Variants in LUZP2 observed in about 807,000 individuals in gnomAD.
LUZP2 encodes leucine zipper protein 2.
LUZP2 carries 52 observed loss-of-function variants against 51.6 expected under a neutral mutation model. That is an observed-to-expected ratio of 1.01 (90% CI 0.81 to 1.27). The LOEUF is 1.27. Among genes scored for constraint, LUZP2 ranks in the 50% most tolerant of loss-of-function variants. The pLI is 0.00. For synonymous variants in LUZP2, 154 were observed against 137.3 expected, an observed-to-expected ratio of 1.12 and a Z score of -0.85; for missense variants, 436 against 395.4, an observed-to-expected ratio of 1.10 and a Z score of -0.87.
intron 1 of LUZP2, among the ~76,000 whole-genome samples, chr11:24,673,919 A>G (rs1277957683): frequency 6.6e-6 from 1 of 152,204 alleles, no homozygotes; most frequent in South Asian, 2.1e-4. Flanking sequence ...TAGTACTGAC[A>G]TTTCTCATCA....
At chr11:24,852,132 T>G (rs1420156663) in intron 5 of LUZP2, among the ~76,000 whole-genome samples, 1 of 152,176 alleles carries the variant, frequency 6.6e-6, no homozygotes, top group African/African-American at 2.4e-5. Context: ...CTTAGTTATT[T>G]CTTGTCTTCT....
intron 1 of LUZP2, among the ~76,000 whole-genome samples, chr11:24,505,500 C>A (rs1436801045): frequency 6.6e-6 from 1 of 152,060 alleles, no homozygotes; most frequent in Non-Finnish European, 1.5e-5. Context: ...AGAATAGCAT[C>A]CAGCACAGAG....
At chr11:24,856,125 G>A (rs182313329) in intron 5 of LUZP2, among the ~76,000 whole-genome samples, 2 of 152,142 alleles carry the variant, frequency 1.3e-5, no homozygotes, top group African/African-American at 2.4e-5. Flanking sequence ...TTTACTAAAA[G>A]CTTCTGCACA....
At chr11:24,566,973 G>GTA (rs1181035237) in intron 1 of LUZP2, among the ~76,000 whole-genome samples, 10 of 81,364 alleles carry the variant, frequency 1.2e-4, no homozygotes, top group African/African-American at 4.7e-4. Flanking sequence ...ATATAAATAT[G>GTA]TATATATATA....
chr11:25,010,328 C>A (rs936997566), intron 9 of LUZP2, among the ~76,000 whole-genome samples: 2 of 151,914 alleles, frequency 1.3e-5, no homozygotes, highest in Admixed American at 6.6e-5. Flanking sequence ...CTGAGGCAGG[C>A]GGATCACTTG....
At chr11:24,747,050 G>A (rs1859407850) in intron 4 of LUZP2, among the ~76,000 whole-genome samples, 1 of 152,088 alleles carries the variant, frequency 6.6e-6, no homozygotes, top group African/African-American at 2.4e-5. Context: ...TTCTTTTTCA[G>A]GTAAATCAGG....
chr11:24,652,248 A>G (rs2133964759), intron 1 of LUZP2, among the ~76,000 whole-genome samples: 1 of 152,264 alleles, frequency 6.6e-6, no homozygotes, highest in Non-Finnish European at 1.5e-5. Context: ...TCTTTGCATT[A>G]CACCTTCTGT....
At chr11:24,752,090 T>G (rs1188108827) in intron 4 of LUZP2, among the ~76,000 whole-genome samples, 2 of 152,016 alleles carry the variant, frequency 1.3e-5, no homozygotes, top group Non-Finnish European at 2.9e-5. Flanking sequence ...AAAATATGCA[T>G]TAAAAGCTAT....
chr11:24,988,808 G>C (rs1856254220), intron 9 of LUZP2, among the ~76,000 whole-genome samples: 1 of 151,904 alleles, frequency 6.6e-6, no homozygotes, highest in South Asian at 2.1e-4. Flanking sequence ...ATTTCTTTTA[G>C]TTACTGTGAC....
At chr11:24,572,533 T>A (rs943912098) in intron 1 of LUZP2, among the ~76,000 whole-genome samples, 2 of 152,058 alleles carry the variant, frequency 1.3e-5, no homozygotes, top group African/African-American at 4.8e-5. Flanking sequence ...CTATTTCTAA[T>A]GTGACAATGC....
intron 5 of LUZP2, among the ~76,000 whole-genome samples, chr11:24,805,955 A>T (rs1849844580): frequency 6.6e-6 from 1 of 152,192 alleles, no homozygotes; most frequent in Non-Finnish European, 1.5e-5. Flanking sequence ...TCCTGCAACA[A>T]GAGTAAGAAA....
chr11:24,678,370 C>A (rs1856633975), intron 1 of LUZP2, among the ~76,000 whole-genome samples: 1 of 152,160 alleles, frequency 6.6e-6, no homozygotes, highest in African/African-American at 2.4e-5. Context: ...TTCTGCTATG[C>A]AAGGATGGGC....
At chr11:24,903,277 A>G (rs1198635173) in intron 5 of LUZP2, among the ~76,000 whole-genome samples, 1 of 152,204 alleles carries the variant, frequency 6.6e-6, no homozygotes, top group East Asian at 1.9e-4. Flanking sequence ...ATCAGTGCAA[A>G]TATTTGCAAA....
Position 24,775,819 on chromosome 11 carries a change from T to G in LUZP2, c.396+12511T>G, listed in dbSNP as rs1156904548. ...CTTCAAGTAAAGGAGAAAGTTTAGC[T>G]CTTTACTCTTATGCCTTTGGTAAAT... is the stretch of plus-strand genomic sequence containing the variant. On this transcript the variant is annotated intron_variant, in intron 5 of 11. Coordinates refer to ENST00000336930, the MANE Select transcript of LUZP2 (RefSeq NM_001009909.4). 1.3e-5 allele frequency among the ~76,000 whole-genome samples: 2 copies of G among 152,128 alleles called. 1 individual carries two copies. The highest frequency in any genetic ancestry group is 2.9e-5 in the Non-Finnish European group (2 of 68,000).
rs550386758 is a variant in LUZP2 at position 24,962,714 on chromosome 11, C to T, written c.523-13877C>T. On this transcript the variant is annotated intron_variant, in intron 7 of 11. Transcript: ENST00000336930. ...ACTTCTTTGCCTTTGGTTTGAATTT[C>T]CTCCTGTAGCTCATATTTTGATCAT... Among the ~76,000 whole-genome samples, 31 of 152,234 alleles carry T rather than the reference C, an allele frequency of 2.0e-4. 1 individual carries two copies. The East Asian group carries it at 5.0e-3, about 25-fold the overall frequency.
At chr11:24,660,561 T>C (rs1855983787) in intron 1 of LUZP2, among the ~76,000 whole-genome samples, 1 of 152,116 alleles carries the variant, frequency 6.6e-6, no homozygotes. Context: ...TACCCATGGA[T>C]TGCTTGGGGA....
intron 1 of LUZP2, among the ~76,000 whole-genome samples, chr11:24,587,178 C>G (rs1423151186): frequency 6.6e-6 from 1 of 152,064 alleles, no homozygotes; most frequent in African/African-American, 2.4e-5. Flanking sequence ...AGGATCTCTA[C>G]TCAGGCTCAA....
At chr11:24,894,298 C>T (rs1398650066) in intron 5 of LUZP2, among the ~76,000 whole-genome samples, 3 of 151,662 alleles carry the variant, frequency 2.0e-5, no homozygotes, top group East Asian at 1.9e-4. Context: ...CCTCAGCCTC[C>T]GGAGTAGCTG....
intron 5 of LUZP2, among the ~76,000 whole-genome samples, chr11:24,854,483 C>A (rs1000716718): frequency 6.6e-6 from 1 of 152,172 alleles, no homozygotes; most frequent in Non-Finnish European, 1.5e-5. Context: ...CAAGCTTGAG[C>A]ATACCAGGTT....
Sources: gnomAD v4.1 joint callset for allele counts (sites outside exome capture counted in the v4.1 genomes callset) on GRCh38, gnomAD v4.1.1 for gene constraint, MANE v1.5 for transcripts, NCBI Gene and HGNC (gene_info 2026-07-23, HGNC 2026-07-21) for gene names.